ESRRG: variants seen among roughly 807,000 people sequenced by gnomAD.
ESRRG encodes the protein estrogen related receptor gamma.
ESRRG carries 13 observed loss-of-function variants against 44.0 expected under a neutral mutation model. That is an observed-to-expected ratio of 0.30 (90% confidence interval 0.19 to 0.47). The LOEUF (loss-of-function observed/expected upper bound fraction) is 0.47. Ranked by LOEUF, ESRRG falls within the 20% of genes least tolerant of loss-of-function variation. The probability of loss-of-function intolerance (pLI) is 1.00; values close to 1 mark genes in which losing one functional copy is unlikely to be tolerated. For missense variants in ESRRG, 395 were observed against 580.6 expected (o/e 0.68, Z 3.29); for synonymous variants, 215 against 214.6 (o/e 1.00, Z -0.02).
intron 5 of ESRRG, among the ~76,000 whole-genome samples, chr1:216,523,505 T>G (rs199784617): frequency 8.1e-4 from 55 of 68,040 alleles, no homozygotes; most frequent in African/African-American, 2.3e-3. Flanking sequence ...TTTTTTTGTT[T>G]TTTTTTTTTT....
intron 1 of ESRRG, among the ~76,000 whole-genome samples, chr1:217,007,684 AAAG>A (rs2077950187): frequency 1.3e-5 from 2 of 152,138 alleles, no homozygotes; most frequent in East Asian, 1.9e-4. Flanking sequence ...TAAACCTATC[AAAG>A]AAGATTTTAC....
At chr1:216,704,776 A>T (rs1211853186) in intron 1 of ESRRG, among the ~76,000 whole-genome samples, 3 of 150,338 alleles carry the variant, frequency 2.0e-5, no homozygotes, top group Non-Finnish European at 4.5e-5. Context: ...GATTTTTTTT[A>T]AATCATAATT....
At chr1:216,750,371 T>C (rs922606949) in intron 2 of ESRRG, among the ~76,000 whole-genome samples, 4 of 152,170 alleles carry the variant, frequency 2.6e-5, no homozygotes, top group Non-Finnish European at 2.9e-5. Flanking sequence ...CTTTTCTTTC[T>C]CTATTAGTTG....
rs546018309 is a variant in ESRRG at position 217,077,174 on chromosome 1, C to T, written c.-106+12333G>A. On this transcript the variant is annotated intron_variant, in intron 1 of 7. Transcript: ENST00000359162. ...AGTGGTGGCTGAATCCATGGTTACC[C>T]GTTTTTACATTCACTAGTTAAATGG... is the stretch of plus-strand genomic sequence containing the variant. Among the ~76,000 whole-genome samples, 8 of 152,272 alleles carry T rather than the reference C, an allele frequency of 5.3e-5. No individual in the cohort carries two copies. In the East Asian group the frequency reaches 7.7e-4, roughly 15 times the overall value.
At chr1:217,004,896 T>C (rs937176957) in intron 1 of ESRRG, among the ~76,000 whole-genome samples, 9 of 152,140 alleles carry the variant, frequency 5.9e-5, no homozygotes, top group Non-Finnish European at 1.3e-4. Flanking sequence ...CTTTGGACTT[T>C]TTACTACCAA....
At chr1:217,089,588 A>G (rs2092293946) in exon 1 of ESRRG, 1 of 152,204 alleles carries the variant, frequency 6.6e-6, no homozygotes. Flanking sequence ...TTCTTTGGCT[A>G]TGAAAGTCTA....
intron 2 of ESRRG, among the ~76,000 whole-genome samples, chr1:216,916,092 G>A (rs562298592): frequency 4.6e-5 from 7 of 152,156 alleles, no homozygotes; most frequent in African/African-American, 1.7e-4. Context: ...CCCAATTCAA[G>A]CATTAACCTT....
chr1:216,997,857 C>T (rs984740913), intron 1 of ESRRG, among the ~76,000 whole-genome samples: 1 of 152,194 alleles, frequency 6.6e-6, no homozygotes, highest in Non-Finnish European at 1.5e-5. Flanking sequence ...TTACCATTTT[C>T]CTGGACCCCA....
At chr1:216,725,043 C>A (rs1021457516), upstream of ESRRG, among the ~76,000 whole-genome samples, 2 of 152,036 alleles carry the variant, frequency 1.3e-5, no homozygotes, top group African/African-American at 2.4e-5. Context: ...CTCCCTTAAC[C>A]CTCTCAAATT....
intron 1 of ESRRG, among the ~76,000 whole-genome samples, chr1:216,679,226 G>T (rs1036044811): frequency 5.9e-5 from 9 of 152,176 alleles, no homozygotes; most frequent in Non-Finnish European, 1.0e-4. Context: ...CCCCTCGCCA[G>T]CCTGAACTAC....
intron 2 of ESRRG, among the ~76,000 whole-genome samples, chr1:216,760,154 A>G (rs2152336502): frequency 6.6e-6 from 1 of 152,122 alleles, no homozygotes; most frequent in South Asian, 2.1e-4. Flanking sequence ...AGCGCAAGGG[A>G]CCATGCCTGG....
chr1:216,539,933 A>G (rs2052203150), intron 5 of ESRRG, among the ~76,000 whole-genome samples: 1 of 152,052 alleles, frequency 6.6e-6, no homozygotes, highest in Non-Finnish European at 1.5e-5. Flanking sequence ...AGAACAGTCA[A>G]AAAGTTACTT....
At chr1:216,571,960 T>C (rs1211562660) in intron 3 of ESRRG, among the ~76,000 whole-genome samples, 1 of 152,168 alleles carries the variant, frequency 6.6e-6, no homozygotes, top group Admixed American at 6.6e-5. Context: ...AGAGCCAATA[T>C]ATTTTAAAGG....
intron 1 of ESRRG, among the ~76,000 whole-genome samples, chr1:217,062,949 G>C (rs2088861958): frequency 6.6e-6 from 1 of 152,158 alleles, no homozygotes; most frequent in South Asian, 2.1e-4. Context: ...TACTTCATCA[G>C]CTCTTAATCA....
chr1:216,623,522 G>C (rs1040478652), intron 3 of ESRRG, among the ~76,000 whole-genome samples: 7 of 151,910 alleles, frequency 4.6e-5, no homozygotes, highest in African/African-American at 1.7e-4. Flanking sequence ...AAAGAGAAAA[G>C]GTACCAGTGA....
chr1:216,576,625 A>G (rs1191153674), intron 3 of ESRRG, among the ~76,000 whole-genome samples: 2 of 152,056 alleles, frequency 1.3e-5, no homozygotes, highest in African/African-American at 4.8e-5. Context: ...CCCCTCCACA[A>G]TGTGATTGAC....
intron 1 of ESRRG, among the ~76,000 whole-genome samples, chr1:216,961,467 T>C (rs1213421464): frequency 6.6e-6 from 1 of 151,660 alleles, no homozygotes; most frequent in Non-Finnish European, 1.5e-5. Flanking sequence ...TATTAGAAGA[T>C]ATTTAGAACA....
At chr1:216,937,921 T>G (rs1009607527) in intron 2 of ESRRG, among the ~76,000 whole-genome samples, 1 of 152,024 alleles carries the variant, frequency 6.6e-6, no homozygotes. Flanking sequence ...TTTATTATTT[T>G]TTTTTTTCTT....
intron 1 of ESRRG, among the ~76,000 whole-genome samples, chr1:217,134,394 A>G (rs2093017837): frequency 6.6e-6 from 1 of 152,174 alleles, no homozygotes; most frequent in Non-Finnish European, 1.5e-5. Context: ...GTGCCTAAGA[A>G]GTTGATCTCG....
Sources: gnomAD v4.1 joint callset for allele counts (sites outside exome capture counted in the v4.1 genomes callset) on GRCh38, gnomAD v4.1.1 for gene constraint, MANE v1.5 for transcripts, NCBI Gene and HGNC (gene_info 2026-07-23, HGNC 2026-07-21) for gene names.